SV2B: variants seen among roughly 807,000 people sequenced by gnomAD.
SV2B encodes the protein solute carrier family 22 member B2.
A neutral mutation model predicts 73.9 loss-of-function variants in SV2B; 41 were observed. The ratio of observed to expected loss-of-function variants is 0.56; its 90% CI spans 0.43 to 0.72. SV2B has a LOEUF of 0.72. Among genes scored for constraint, SV2B ranks in the 30% least tolerant of loss-of-function variants. SV2B has a pLI of 0.00. For synonymous variants in SV2B, 314 were observed against 314.2 expected (o/e 1.00, Z 0.01); for missense variants, 764 against 857.8 (o/e 0.89, Z 1.37).
rs1365164363 is a variant in SV2B at position 91,292,870 on chromosome 15, T to G, written c.*318T>G. On this transcript the variant is annotated 3_prime_UTR_variant, in exon 13 of 13. Coordinates refer to ENST00000394232, the MANE Select transcript of SV2B (RefSeq NM_001323032.3). ...GGAGCAAGCATTTCTCTAAGTCAAG[T>G]GCAAGGACTTAACTTGCGTTTGAAA... The G allele has an allele frequency of 4.8e-6, 1 of 206,642 alleles. No homozygotes were observed. Among genetic ancestry groups the G allele is most frequent in the Non-Finnish European group, 9.6e-6 (1 of 104,000 alleles). 12.8% of individuals were successfully genotyped at this position (206,642 alleles called of 1,614,324 possible). A position where few individuals can be genotyped will look rare whatever the true frequency, so the allele number is the denominator to read the frequency against.
In SV2B at chr15:91,141,745, GT is replaced by G. The variant is rs59875614; in HGVS notation, c.-392+41393del. Among the ~76,000 whole-genome samples, 18 of 145,424 alleles carry G rather than the reference GT, an allele frequency of 1.2e-4. No individual in the cohort carries two copies. Among genetic ancestry groups the G allele is most frequent in the South Asian group, 8.7e-4 (4 of 4,576 alleles). On this transcript the variant is annotated intron_variant, in intron 1 of 12. Transcript: ENST00000394232. The surrounding 1 kb of genome is among the most constrained non-coding windows in gnomAD (Gnocchi z 4.6). The stretch of plus-strand genomic sequence containing the variant: ...TGCCAAATAGTTTGGGTTTTGTTTT[GT>G]TTTTTTTTTTGGACAGAGGTCACAT...
In SV2B at chr15:91,300,455, C is replaced by T. The variant is rs1387479517; in HGVS notation, c.*7903C>T. ...TTTCAGCTTTCCATAGTCATTCATACTTGTGAATCTTCTTCCTCTTCTACT... is the reference window on the plus strand; with the variant it reads ...TTTCAGCTTTCCATAGTCATTCATATTTGTGAATCTTCTTCCTCTTCTACT... On this transcript the variant is annotated 3_prime_UTR_variant, in exon 13 of 13. Transcript: ENST00000394232. The T allele has an allele frequency of 6.6e-6, 1 of 152,206 alleles. No individual in the cohort carries two copies. The highest frequency in any genetic ancestry group is 1.5e-5 in the Non-Finnish European group (1 of 68,038). The allele number at this position is 152,206 out of a possible 1,614,324, so 9.4% of individuals were successfully genotyped here. A position where few individuals can be genotyped will look rare whatever the true frequency, so the allele number is the denominator to read the frequency against.
intron 1 of SV2B, among the ~76,000 whole-genome samples, chr15:91,166,459 A>G (rs915204655): frequency 1.3e-5 from 2 of 152,028 alleles, no homozygotes; most frequent in Non-Finnish European, 2.9e-5. Context: ...GTTTCACTAA[A>G]CTTCTTGAAT....
chr15:91,282,867 C>T (rs909510666), intron 10 of SV2B, among the ~76,000 whole-genome samples: 1 of 152,184 alleles, frequency 6.6e-6, no homozygotes, highest in Non-Finnish European at 1.5e-5. Context: ...CCTGAATTTC[C>T]TTTTAGACTG....
At chr15:91,174,999 C>T (rs926295912) in intron 1 of SV2B, among the ~76,000 whole-genome samples, 4 of 152,186 alleles carry the variant, frequency 2.6e-5, no homozygotes, top group Non-Finnish European at 5.9e-5. Context: ...GGGTGGAAGC[C>T]TTTCTATCAG....
chr15:91,151,177 C>T (rs1171011531), intron 1 of SV2B, among the ~76,000 whole-genome samples: 1 of 152,158 alleles, frequency 6.6e-6, no homozygotes, highest in African/African-American at 2.4e-5. Flanking sequence ...TGTCTATTCA[C>T]AAAACTGATC....
Position 91,185,499 on chromosome 15 carries a change from C to G in SV2B, c.-391-40374C>G, listed in dbSNP as rs192422673. On this transcript the variant is annotated intron_variant, in intron 1 of 12. Transcript: ENST00000394232. ...ATGAGAAGGGTCCTGGTCTTGTTGT[C>G]CAGAACTCATAGCTATATTAGAAGA... 2.0e-5 allele frequency among the ~76,000 whole-genome samples: 3 copies of G among 152,200 alleles called. No homozygotes were observed. In the East Asian group the frequency reaches 5.8e-4, roughly 29 times the overall value.
intron 1 of SV2B, among the ~76,000 whole-genome samples, chr15:91,179,939 T>C (rs1301950401): frequency 4.6e-5 from 7 of 151,336 alleles, no homozygotes; most frequent in East Asian, 4.0e-4. Context: ...GTCGTTATGA[T>C]GTTAGCTGGT....
Position 91,268,923 on chromosome 15 carries a change from G to T in SV2B, c.1373+318G>T, listed in dbSNP as rs1257646115. ...CATTAAGAGTGGCTGCCCAGAGAAA[G>T]GGCCTAGGGCTCTTACTGCTGAGAT... On this transcript the variant is annotated intron_variant, in intron 9 of 12. Transcript: ENST00000394232. The surrounding 1 kb of genome is among the most constrained non-coding windows in gnomAD (Gnocchi z 4.4). Among the ~76,000 whole-genome samples, 1 of 152,176 alleles carries T rather than the reference G, an allele frequency of 6.6e-6. No homozygotes were observed. Among genetic ancestry groups the T allele is most frequent in the African/African-American group, 2.4e-5 (1 of 41,442 alleles).
intron 1 of SV2B, among the ~76,000 whole-genome samples, chr15:91,210,549 A>G (rs1712408892): frequency 6.6e-6 from 1 of 152,130 alleles, no homozygotes; most frequent in Non-Finnish European, 1.5e-5. Flanking sequence ...TCAGACTTGC[A>G]TCTGGGGTGT....
At chr15:91,205,528 G>C (rs2045603744) in intron 1 of SV2B, among the ~76,000 whole-genome samples, 1 of 152,024 alleles carries the variant, frequency 6.6e-6, no homozygotes, top group Non-Finnish European at 1.5e-5. Flanking sequence ...ACCATGCCCG[G>C]CTAATATTTG....
chr15:91,158,633 C>CCTTTTCCCTTCTCTT (rs767357230), intron 1 of SV2B, among the ~76,000 whole-genome samples: 1 of 54,412 alleles, frequency 1.8e-5, no homozygotes, highest in African/African-American at 6.9e-5. Context: ...TTTTATTTTC[C>CCTTTTCCCTTCTCTT]CTCTTCTCTT....
chr15:91,283,889 T>TGGCCACATATTACC lies in SV2B; in HGVS notation c.1508-132_1508-131insGGCCACATATTACC. 6.3e-6 allele frequency: 5 copies of TGGCCACATATTACC among 793,176 alleles called. No individual in the cohort carries two copies. Among genetic ancestry groups the TGGCCACATATTACC allele is most frequent in the African/African-American group, 2.5e-5 (1 of 40,184 alleles). 49.1% of individuals were successfully genotyped at this position (793,176 alleles called of 1,614,324 possible). Reference sequence around the variant, plus strand: ...TGACATGGCCACATATTACCTTGACTTTGAGGCTGTCTGACTGGCAAAGGC... The same window carrying TGGCCACATATTACC: ...TGACATGGCCACATATTACCTTGACTGGCCACATATTACCTTGAGGCTGTCTGACTGGCAAAGGC... On this transcript the variant is annotated intron_variant, in intron 10 of 12. Coordinates refer to ENST00000394232, the MANE Select transcript of SV2B (RefSeq NM_001323032.3). This position sits in a 1 kb window ranked among gnomAD's most constrained non-coding sequence, Gnocchi z 4.3.
intron 1 of SV2B, among the ~76,000 whole-genome samples, chr15:91,222,459 T>A (rs1428651452): frequency 6.6e-6 from 1 of 152,188 alleles, no homozygotes; most frequent in East Asian, 1.9e-4. Flanking sequence ...ACTCTCTCAT[T>A]AGGGGTAGAT....
chr15:91,281,840 T>G lies in SV2B; in HGVS notation c.1486T>G (p.Ser496Ala). Residue 496 changes from serine (S) to alanine (A), a missense_variant, in exon 10 of 13, where the codon TCA becomes GCA. Coordinates refer to ENST00000394232, the MANE Select transcript of SV2B (RefSeq NM_001323032.3). This position sits in a 1 kb window ranked among gnomAD's most constrained non-coding sequence, Gnocchi z 4.7. The stretch of plus-strand genomic sequence containing the variant: ...CTACTTCAAAAATTGTACCATTGAA[T>G]CAACCATCTTTTACAACACAGGTAG... ...DTYFKNCTIE[S>A]TIFYNTDLYE... 1 of 1,612,482 alleles carries G rather than the reference T, an allele frequency of 6.2e-7. No homozygotes were observed. The highest frequency in any genetic ancestry group is 8.5e-7 in the Non-Finnish European group (1 of 1,179,168).
intron 1 of SV2B, among the ~76,000 whole-genome samples, chr15:91,146,598 G>A (rs1199369641): frequency 6.6e-6 from 1 of 152,058 alleles, no homozygotes; most frequent in African/African-American, 2.4e-5. Flanking sequence ...TTTTCATTTA[G>A]GTTTGTGTCA....
At chr15:91,264,016 G>A (rs1019076624) in intron 6 of SV2B, among the ~76,000 whole-genome samples, 1 of 152,252 alleles carries the variant, frequency 6.6e-6, no homozygotes, top group Non-Finnish European at 1.5e-5. Flanking sequence ...CACACAGACT[G>A]TCCCAGGAGC....
intron 4 of SV2B, among the ~76,000 whole-genome samples, chr15:91,254,737 C>T (rs575840534): frequency 2.6e-5 from 4 of 152,228 alleles, no homozygotes; most frequent in African/African-American, 7.2e-5. Flanking sequence ...CCTGCCAGCC[C>T]GAACCTTTGG....
Position 91,256,311 on chromosome 15 carries a change from C to T in SV2B, c.785-2110C>T, listed in dbSNP as rs150051002. On this transcript the variant is annotated intron_variant, in intron 4 of 12. Transcript: ENST00000394232. ...GCCCTGAAGATGTGCCTAATGAATG[C>T]GATAAATGCAGATTACTGAAATCAC... Among the ~76,000 whole-genome samples the T allele has an allele frequency of 7.2e-5, 11 of 152,088 alleles. No individual in the cohort carries two copies. In the East Asian group the frequency reaches 9.7e-4, roughly 13 times the overall value.
Sources: gnomAD v4.1 joint callset for allele counts (sites outside exome capture counted in the v4.1 genomes callset) on GRCh38, gnomAD v4.1.1 for gene constraint, Gnocchi (gnomAD v3.1) non-coding constraint, MANE v1.5 for transcripts, NCBI Gene and HGNC (gene_info 2026-07-23, HGNC 2026-07-21) for gene names.